CEP55: variants seen among roughly 807,000 people sequenced by gnomAD.
CEP55 encodes the protein centrosomal protein 55.
Under a neutral mutation model 63.2 loss-of-function variants are expected in CEP55, and 57 were observed. The ratio of observed to expected loss-of-function variants is 0.90; its 90% CI spans 0.73 to 1.13. The LOEUF (loss-of-function observed/expected upper bound fraction) is 1.13, where lower values mean the gene tolerates loss of function less well. Among genes scored for constraint, CEP55 ranks in the 50% most tolerant of loss-of-function variants. CEP55 has a pLI of 0.00. For synonymous variants in CEP55, 178 were observed against 191.6 expected (o/e 0.93, Z 0.59); for missense variants, 456 against 518.9 (o/e 0.88, Z 1.18).
At chr10:93,517,286 G>A (rs754399351) in intron 6 of CEP55, 38 bp downstream of exon 6, 10 of 1,508,720 alleles carry the variant, frequency 6.6e-6, no homozygotes, top group African/African-American at 4.2e-5. Flanking sequence ...AGTGTTCACC[G>A]AACACTTTCT....
chr10:93,515,434 G>A lies in CEP55; in HGVS notation c.558G>A (p.Val186=), dbSNP rs1366100313. The change falls in exon 5 of 9, where the codon GTG becomes GTA. Residue 186 remains valine, a synonymous_variant. Coordinates refer to ENST00000371485, the MANE Select transcript of CEP55 (RefSeq NM_018131.5). The stretch of plus-strand genomic sequence containing the variant: ...TGGAGAAAAATCAGCAGTGGCTCGT[G>A]TATGATCAGCAGCGGGAAGTCTATG... ...DALEKNQQWL[V]YDQQREVYVK... is the part of the protein sequence containing the mutation. 1.2e-6 allele frequency: 2 copies of A among 1,611,782 alleles called. No individual in the cohort carries two copies. Among genetic ancestry groups the A allele is most frequent in the African/African-American group, 1.3e-5 (1 of 74,862 alleles).
chr10:93,519,139 C>G, intron 7 of CEP55, 191 bp downstream of exon 7: 1 of 536,224 alleles, frequency 1.9e-6, no homozygotes, highest in Non-Finnish European at 3.4e-6. Context: ...ATTCCTGTTG[C>G]TGACCTTAGG....
At chr10:93,526,951 G>A (rs920253711) in intron 8 of CEP55, among the ~76,000 whole-genome samples, 16 of 152,230 alleles carry the variant, frequency 1.1e-4, no homozygotes, top group Non-Finnish European at 1.9e-4. Flanking sequence ...GGGGAGTGGG[G>A]AGGGATAGCA....
Position 93,515,528 on chromosome 10 carries a change from C to G in CEP55, c.652C>G (p.Gln218Glu). ...KTETAAHSLP[Q>E]QTKKPESEGY... ...GGAAACAGCTGCTCATTCACTCCCA[C>G]AGCAGACAAAAAAGCCTGAATCAGA... The change falls in exon 5 of 9, where the codon CAG (glutamine) becomes GAG (glutamate). Residue 218 changes from glutamine to glutamate, a missense_variant. Transcript: ENST00000371485. 6.2e-7 allele frequency: 1 copy of G among 1,613,510 alleles called. No homozygotes were observed. Among genetic ancestry groups the G allele is most frequent in the Non-Finnish European group, 8.5e-7 (1 of 1,179,526 alleles).
At chr10:93,515,306 G>T in intron 4 of CEP55, 99 bp from the exon 5 acceptor site, 2 of 1,119,842 alleles carry the variant, frequency 1.8e-6, no homozygotes, top group Non-Finnish European at 2.5e-6. Flanking sequence ...GAGCCATAGA[G>T]TTTTTGTTGG....
In CEP55 at chr10:93,516,003, G is replaced by A. The variant is rs75484199; in HGVS notation, c.679+448G>A. Reference sequence around the variant, plus strand: ...AATTGAGATGAAATTTCTCATTCACGATGCTGTCTTTTTGCCAAGCACTTT... The same window carrying A: ...AATTGAGATGAAATTTCTCATTCACAATGCTGTCTTTTTGCCAAGCACTTT... On this transcript the variant is annotated intron_variant, in intron 5 of 8. Transcript: ENST00000371485. Among the ~76,000 whole-genome samples the A allele has an allele frequency of 1.7e-3, 259 of 152,228 alleles. 5 individuals carry two copies. In the East Asian group the frequency reaches 0.042, roughly 24 times the overall value.
Position 93,515,675 on chromosome 10 carries a change from T to G in CEP55, c.679+120T>G, listed in dbSNP as rs147446448. 3.9e-6 allele frequency: 4 copies of G among 1,033,552 alleles called. No individual in the cohort carries two copies. In the African/African-American group the frequency reaches 6.4e-5, roughly 17 times the overall value. The allele number at this position is 1,033,552 out of a possible 1,614,324, so 64.0% of individuals were successfully genotyped here. A position where few individuals can be genotyped will look rare whatever the true frequency, so the allele number is the denominator to read the frequency against. ...GAAAGTAAAATAAGAGCAAGTCTTA[T>G]AGCCCTGAAGTAAGAAATACCATTT... On this transcript the variant is annotated intron_variant, in intron 5 of 8. Coordinates refer to ENST00000371485, the MANE Select transcript of CEP55 (RefSeq NM_018131.5).
Position 93,528,228 on chromosome 10 carries a change from T to C in CEP55, c.*75T>C. On this transcript the variant is annotated 3_prime_UTR_variant, in exon 9 of 9. Transcript: ENST00000371485. ...GTTAGCTTGTGGGCATTTTGAATTA[T>C]ATATTTCACATTTTGCATAAAACTG... 1 of 1,321,862 alleles carries C rather than the reference T, an allele frequency of 7.6e-7. No individual in the cohort carries two copies. The highest frequency in any genetic ancestry group is 1.1e-6 in the Non-Finnish European group (1 of 933,028). 81.9% of individuals were successfully genotyped at this position (1,321,862 alleles called of 1,614,324 possible).
At chr10:93,523,517 TGAGACAGATCCAC>T (rs1373082931) in intron 8 of CEP55, among the ~76,000 whole-genome samples, 1 of 152,032 alleles carries the variant, frequency 6.6e-6, no homozygotes, top group Non-Finnish European at 1.5e-5. Context: ...ACTGTCAACA[TGAGACAGATCCAC>T]GAGACAGAAA....
intron 3 of CEP55, among the ~76,000 whole-genome samples, chr10:93,503,709 G>T (rs1460799042): frequency 6.6e-6 from 1 of 151,952 alleles, no homozygotes. Context: ...AAAACAGTAG[G>T]CTTCATTTTT....
chr10:93,512,275 AG>A lies in CEP55; in HGVS notation c.529-3129del, dbSNP rs1219733764. ...CTCAGTGGCTCATGCCTGCAATCCCAGCACTTTGGGAGGCCAAGGCGGGCAG... is the reference window on the plus strand; with the variant it reads ...CTCAGTGGCTCATGCCTGCAATCCCACACTTTGGGAGGCCAAGGCGGGCAG... On this transcript the variant is annotated intron_variant, in intron 4 of 8. Coordinates refer to ENST00000371485, the MANE Select transcript of CEP55 (RefSeq NM_018131.5). 2.6e-5 allele frequency among the ~76,000 whole-genome samples: 4 copies of A among 151,612 alleles called. No individual in the cohort carries two copies. The East Asian group carries it at 7.8e-4, about 30-fold the overall frequency.
intron 8 of CEP55, among the ~76,000 whole-genome samples, chr10:93,524,958 T>C (rs1205624981): frequency 2.0e-5 from 3 of 151,780 alleles, no homozygotes; most frequent in Middle Eastern, 3.2e-3. Flanking sequence ...TAAGAGCTAT[T>C]TATGACAAAC....
Position 93,518,889 on chromosome 10 carries a change from T to C in CEP55, c.1006T>C (p.Tyr336His), listed in dbSNP as rs752455356. 3.1e-6 allele frequency: 5 copies of C among 1,610,152 alleles called. No homozygotes were observed. Among genetic ancestry groups the C allele is most frequent in the Non-Finnish European group, 4.2e-6 (5 of 1,176,928 alleles). ...EELLSQVQFL[Y>H]TSLLKQQEEQ... ...TTATGTCCTACAGGTCCAGTTTCTTTACACATCTCTGCTAAAGCAGCAAGA... is the reference window on the plus strand; with the variant it reads ...TTATGTCCTACAGGTCCAGTTTCTTCACACATCTCTGCTAAAGCAGCAAGA... Residue 336 changes from tyrosine (Y) to histidine (H), a missense_variant, in exon 7 of 9, where the codon TAC becomes CAC. Physicochemically the swap from Tyr to His is moderately conservative, Grantham distance 83 (BLOSUM62 2). Coordinates refer to ENST00000371485, the MANE Select transcript of CEP55 (RefSeq NM_018131.5).
chr10:93,513,611 AT>A (rs2057773181), intron 4 of CEP55, among the ~76,000 whole-genome samples: 1 of 152,216 alleles, frequency 6.6e-6, no homozygotes, highest in Non-Finnish European at 1.5e-5. Context: ...AATTTTATCT[AT>A]GCATAATAGA....
chr10:93,527,239 T>C (rs1022737402), intron 8 of CEP55, among the ~76,000 whole-genome samples: 1 of 152,194 alleles, frequency 6.6e-6, no homozygotes, highest in Non-Finnish European at 1.5e-5. Flanking sequence ...ATCTTAGTCA[T>C]TTCTGTGTAT....
chr10:93,513,414 C>G (rs2057771405), intron 4 of CEP55, among the ~76,000 whole-genome samples: 1 of 151,980 alleles, frequency 6.6e-6, no homozygotes, highest in Non-Finnish European at 1.5e-5. Context: ...GTAGATCTTT[C>G]TGGATATGGG....
At chr10:93,526,684 C>T (rs1405261038) in intron 8 of CEP55, among the ~76,000 whole-genome samples, 2 of 151,330 alleles carry the variant, frequency 1.3e-5, no homozygotes, top group African/African-American at 4.8e-5. Flanking sequence ...GGAACCAACC[C>T]AAATGTCCAA....
At chr10:93,527,624 G>A (rs926592216) in intron 8 of CEP55, among the ~76,000 whole-genome samples, 4 of 152,130 alleles carry the variant, frequency 2.6e-5, no homozygotes, top group Non-Finnish European at 4.4e-5. Context: ...CCAACACTTC[G>A]GGAGGCTGAG....
chr10:93,502,988 G>A, intron 2 of CEP55, 125 bp from the exon 3 acceptor site: 1 of 881,560 alleles, frequency 1.1e-6, no homozygotes, highest in Non-Finnish European at 1.7e-6. Context: ...ATCTTTTTTG[G>A]CCTTGGTATT....
Sources: gnomAD v4.1 joint callset for allele counts (sites outside exome capture counted in the v4.1 genomes callset) on GRCh38, gnomAD v4.1.1 for gene constraint, MANE v1.5 for transcripts, NCBI Gene and HGNC (gene_info 2026-07-23, HGNC 2026-07-21) for gene names.